Variants in PCDH9 observed in about 807,000 individuals in gnomAD.
The protein encoded by PCDH9 is protocadherin 9, also known as protocadherin-9.
In PCDH9, 24 loss-of-function variants were observed where a neutral mutation model predicts 70.6. The observed-to-expected ratio is 0.34, with a 90% CI of 0.25 to 0.48. The LOEUF is 0.48. PCDH9 is among the 20% of genes least tolerant of loss of function. PCDH9 has a pLI of 0.99. For missense variants in PCDH9, 1,281 were observed against 1,503.6 expected (o/e 0.85, Z 2.45); for synonymous variants, 562 against 558.5 (o/e 1.01, Z -0.09).
intron 4 of PCDH9, among the ~76,000 whole-genome samples, chr13:66,585,656 A>G (rs1210312033): frequency 6.6e-6 from 1 of 152,192 alleles, no homozygotes; most frequent in Non-Finnish European, 1.5e-5. Flanking sequence ...AAATCTAATG[A>G]CACTAACACT....
intron 4 of PCDH9, among the ~76,000 whole-genome samples, chr13:66,491,711 G>A (rs959067121): frequency 6.6e-6 from 1 of 151,998 alleles, no homozygotes; most frequent in African/African-American, 2.4e-5. Flanking sequence ...TCTCAGTTAA[G>A]CTTAACATAG....
chr13:66,800,821 C>T (rs1348820396), intron 3 of PCDH9, among the ~76,000 whole-genome samples: 5 of 151,952 alleles, frequency 3.3e-5, no homozygotes, highest in South Asian at 2.1e-4. Context: ...CCTAATTTTC[C>T]TCACTTAAAA....
chr13:66,811,767 C>T (rs566510397), intron 3 of PCDH9, among the ~76,000 whole-genome samples: 20 of 150,344 alleles, frequency 1.3e-4, no homozygotes, highest in African/African-American at 4.4e-4. Flanking sequence ...TTCTTTCTCT[C>T]TCTCTCTCTC....
At chr13:66,991,729 T>C (rs1299297432) in intron 2 of PCDH9, among the ~76,000 whole-genome samples, 1 of 152,082 alleles carries the variant, frequency 6.6e-6, no homozygotes, top group Non-Finnish European at 1.5e-5. Context: ...ATGAATTCTG[T>C]ATTTCAGAAG....
intron 3 of PCDH9, among the ~76,000 whole-genome samples, chr13:66,840,942 A>C (rs1173881599): frequency 6.6e-6 from 1 of 152,230 alleles, no homozygotes; most frequent in Admixed American, 6.5e-5. Flanking sequence ...AAAAGAAAAT[A>C]TACCCCTGGA....
intron 4 of PCDH9, among the ~76,000 whole-genome samples, chr13:66,430,010 C>T (rs1957743310): frequency 6.6e-6 from 1 of 152,018 alleles, no homozygotes; most frequent in African/African-American, 2.4e-5. Flanking sequence ...AAAGAGCTCT[C>T]TTGTATATAG....
At chr13:66,340,122 A>T (rs964631968) in intron 4 of PCDH9, among the ~76,000 whole-genome samples, 15 of 152,182 alleles carry the variant, frequency 9.9e-5, no homozygotes, top group Non-Finnish European at 1.5e-4. Flanking sequence ...CTAGCCATTC[A>T]AGTAAATAAA....
intron 3 of PCDH9, among the ~76,000 whole-genome samples, chr13:66,662,248 G>A (rs1021748607): frequency 1.9e-4 from 29 of 151,990 alleles, no homozygotes; most frequent in African/African-American, 5.8e-4. Context: ...TGAGGCGGGC[G>A]GATCACCTAA....
chr13:67,135,988 C>G (rs1395335863), intron 2 of PCDH9, among the ~76,000 whole-genome samples: 1 of 152,078 alleles, frequency 6.6e-6, no homozygotes, highest in East Asian at 1.9e-4. Context: ...TACTTCCTCC[C>G]CATCCATACT....
chr13:67,173,567 A>T (rs1329142788), intron 2 of PCDH9, among the ~76,000 whole-genome samples: 1 of 152,198 alleles, frequency 6.6e-6, no homozygotes, highest in Non-Finnish European at 1.5e-5. Flanking sequence ...CCTGCTCTAG[A>T]TAAAAGTCTG....
chr13:66,949,008 GA>G (rs112573918), intron 2 of PCDH9, among the ~76,000 whole-genome samples: 109 of 146,678 alleles, frequency 7.4e-4, no homozygotes, highest in African/African-American at 1.8e-3. Context: ...TGCTTAAAAG[GA>G]AAAAAAAAAC....
At chr13:66,606,362 G>A (rs981983654) in intron 4 of PCDH9, among the ~76,000 whole-genome samples, 4 of 152,036 alleles carry the variant, frequency 2.6e-5, no homozygotes, top group African/African-American at 7.2e-5. Context: ...ACTGAACAAA[G>A]CTTCTCATGA....
Position 66,304,501 on chromosome 13 carries a change from CA to C in PCDH9, c.*153del, listed in dbSNP as rs2138048533. 1.6e-6 allele frequency: 1 copy of C among 632,338 alleles called. No homozygotes were observed. Among genetic ancestry groups the C allele is most frequent in the East Asian group, 2.6e-5 (1 of 38,130 alleles). The allele number at this position is 632,338 out of a possible 1,614,324, so 39.2% of individuals were successfully genotyped here. ...TAGAACTATCTTCTCTCATATGTTG[CA>C]AAAACATTGTATTCTCCATGGTGCT... On this transcript the variant is annotated 3_prime_UTR_variant, in exon 5 of 5. Coordinates refer to ENST00000377865, the MANE Select transcript of PCDH9 (RefSeq NM_203487.3).
chr13:67,074,350 G>A (rs986335026), intron 2 of PCDH9, among the ~76,000 whole-genome samples: 19 of 152,102 alleles, frequency 1.2e-4, no homozygotes, highest in African/African-American at 2.4e-4. Flanking sequence ...CCCAGAAAAC[G>A]GAGTCTTCAC....
intron 3 of PCDH9, among the ~76,000 whole-genome samples, chr13:66,898,140 T>C (rs1228864723): frequency 6.6e-6 from 1 of 152,072 alleles, no homozygotes; most frequent in East Asian, 1.9e-4. Context: ...TGTTTCACAG[T>C]GACTGAGATG....
At chr13:66,755,797 G>A (rs1219325881) in intron 3 of PCDH9, among the ~76,000 whole-genome samples, 2 of 152,042 alleles carry the variant, frequency 1.3e-5, no homozygotes, top group East Asian at 1.9e-4. Flanking sequence ...CAAAACAATG[G>A]AATAGAACAA....
intron 2 of PCDH9, among the ~76,000 whole-genome samples, chr13:66,984,056 A>T (rs1056814496): frequency 3.9e-5 from 6 of 152,108 alleles, no homozygotes; most frequent in Non-Finnish European, 8.8e-5. Flanking sequence ...ATTCTGCTAT[A>T]ATTTATATAT....
chr13:66,486,332 C>G (rs1958941344), intron 4 of PCDH9, among the ~76,000 whole-genome samples: 1 of 151,900 alleles, frequency 6.6e-6, no homozygotes, highest in Non-Finnish European at 1.5e-5. Flanking sequence ...AGTCCCAGCT[C>G]CTGGGTTGGG....
chr13:67,115,731 A>T (rs1319250039), intron 2 of PCDH9, among the ~76,000 whole-genome samples: 1 of 150,004 alleles, frequency 6.7e-6, no homozygotes, highest in African/African-American at 2.5e-5. Flanking sequence ...TTGTTTTGGC[A>T]TTCCTTATCT....
Sources: gnomAD v4.1 joint callset for allele counts (sites outside exome capture counted in the v4.1 genomes callset) on GRCh38, gnomAD v4.1.1 for gene constraint, MANE v1.5 for transcripts, NCBI Gene and HGNC (gene_info 2026-07-23, HGNC 2026-07-21) for gene names.